The following NRG1 variants were observed in gnomAD, a reference collection of about 807,000 sequenced individuals.
NRG1 encodes neuregulin 1.
Under a neutral mutation model 63.8 loss-of-function variants are expected in NRG1, and 18 were observed. That is an observed-to-expected ratio of 0.28 (90% CI 0.19 to 0.42). The LOEUF (loss-of-function observed/expected upper bound fraction) is 0.42, where lower values mean the gene tolerates loss of function less well. NRG1 is among the 10% of genes least tolerant of loss of function. The probability of loss-of-function intolerance (pLI) is 1.00; values close to 1 mark genes in which losing one functional copy is unlikely to be tolerated. For missense variants in NRG1, 762 were observed against 814.7 expected (o/e 0.94, Z 0.79); for synonymous variants, 302 against 301.3 (o/e 1.00, Z -0.02).
At chr8:32,626,933 A>G (rs1849405295) in intron 5 of NRG1, among the ~76,000 whole-genome samples, 1 of 152,008 alleles carries the variant, frequency 6.6e-6, no homozygotes, top group Non-Finnish European at 1.5e-5. Context: ...AGGCAGGAGA[A>G]TTGCTTGAAC....
intron 1 of NRG1, among the ~76,000 whole-genome samples, chr8:31,792,849 G>A (rs16878298): frequency 0.016 from 2,379 of 152,216 alleles, 69 homozygotes; most frequent in African/African-American, 0.055. Context: ...AACCATTGTC[G>A]CATTGCTTTC....
intron 1 of NRG1, among the ~76,000 whole-genome samples, chr8:32,523,937 T>C (rs1472011077): frequency 1.3e-5 from 2 of 152,122 alleles, no homozygotes; most frequent in African/African-American, 4.8e-5. Context: ...CTCACCACTG[T>C]TGCCTCCTTT....
At chr8:32,400,276 G>C (rs891189922) in intron 1 of NRG1, among the ~76,000 whole-genome samples, 4 of 152,150 alleles carry the variant, frequency 2.6e-5, no homozygotes, top group Non-Finnish European at 5.9e-5. Flanking sequence ...TTGAGGTCAG[G>C]AGTTTGAGAC....
intron 1 of NRG1, among the ~76,000 whole-genome samples, chr8:31,935,819 TTC>T (rs1835256455): frequency 6.6e-6 from 1 of 152,232 alleles, no homozygotes; most frequent in Non-Finnish European, 1.5e-5. Context: ...CTAGATGTTT[TTC>T]TCCTATGTTG....
chr8:32,154,717 C>G (rs1336146560), intron 1 of NRG1, among the ~76,000 whole-genome samples: 2 of 152,134 alleles, frequency 1.3e-5, no homozygotes, highest in African/African-American at 4.8e-5. Flanking sequence ...TTATGCTTTC[C>G]TCTCACTTTC....
intron 1 of NRG1, among the ~76,000 whole-genome samples, chr8:32,289,229 G>A (rs752720627): frequency 2.0e-5 from 3 of 152,088 alleles, no homozygotes; most frequent in Non-Finnish European, 2.9e-5. Context: ...TAATCCTGAG[G>A]GGATGGACTT....
intron 1 of NRG1, among the ~76,000 whole-genome samples, chr8:31,645,440 T>G (rs954589090): frequency 6.6e-6 from 1 of 152,224 alleles, no homozygotes; most frequent in Non-Finnish European, 1.5e-5. Context: ...TGTAGTGCAC[T>G]TCAAGTAAAT....
chr8:31,660,445 T>A (rs1805872898), intron 1 of NRG1, among the ~76,000 whole-genome samples: 1 of 152,226 alleles, frequency 6.6e-6, no homozygotes, highest in Non-Finnish European at 1.5e-5. Context: ...TTCATTTTGT[T>A]TGCCGAGTAT....
intron 5 of NRG1, among the ~76,000 whole-genome samples, chr8:32,692,268 T>C (rs1811946662): frequency 6.6e-6 from 1 of 152,248 alleles, no homozygotes; most frequent in Admixed American, 6.5e-5. Flanking sequence ...AGCTATTTTC[T>C]AGCCTGCTGG....
chr8:32,583,466 A>C (rs1264765128), intron 1 of NRG1, among the ~76,000 whole-genome samples: 1 of 152,176 alleles, frequency 6.6e-6, no homozygotes, highest in Non-Finnish European at 1.5e-5. Flanking sequence ...TCAGTAATTT[A>C]AATTCATGGA....
At chr8:32,713,420 C>G (rs1307500134) in intron 5 of NRG1, among the ~76,000 whole-genome samples, 2 of 152,006 alleles carry the variant, frequency 1.3e-5, no homozygotes, top group Admixed American at 6.6e-5. Flanking sequence ...GGGTATTACG[C>G]CTTATTTACC....
intron 1 of NRG1, among the ~76,000 whole-genome samples, chr8:31,936,516 C>CA (rs1800934715): frequency 6.6e-6 from 1 of 152,090 alleles, no homozygotes; most frequent in Admixed American, 6.5e-5. Flanking sequence ...GAGAACAAAA[C>CA]AACACATCCA....
At chr8:32,194,272 C>T (rs1162073561) in intron 1 of NRG1, among the ~76,000 whole-genome samples, 1 of 152,140 alleles carries the variant, frequency 6.6e-6, no homozygotes, top group African/African-American at 2.4e-5. Flanking sequence ...AGGTAAGTGA[C>T]CCTAGAAGAA....
intron 1 of NRG1, among the ~76,000 whole-genome samples, chr8:31,757,215 C>CA: frequency 6.6e-6 from 1 of 151,554 alleles, no homozygotes; most frequent in East Asian, 1.9e-4. Flanking sequence ...TACTCTTTAC[C>CA]AAAAGGTGGG....
In NRG1 at chr8:31,892,418, T is replaced by C. The variant is rs1025566141; in HGVS notation, c.37+252987T>C. On this transcript the variant is annotated intron_variant, in intron 1 of 10. Coordinates refer to the NRG1 transcript ENST00000519301. ...AGGAGACCTAGGTCTCTTTTACCAATTTAGGATAACTTCACAATCTCCGCA... is the reference window on the plus strand; with the variant it reads ...AGGAGACCTAGGTCTCTTTTACCAACTTAGGATAACTTCACAATCTCCGCA... Among the ~76,000 whole-genome samples the C allele has an allele frequency of 2.0e-5, 3 of 152,088 alleles. No homozygotes were observed. In the East Asian group the frequency reaches 5.8e-4, roughly 29 times the overall value.
intron 1 of NRG1, among the ~76,000 whole-genome samples, chr8:32,572,922 C>T (rs925504656): frequency 4.0e-4 from 61 of 152,120 alleles, no homozygotes; most frequent in African/African-American, 1.3e-3. Context: ...TACAAATTTG[C>T]GACATATTTA....
chr8:32,066,982 C>T (rs1022910250), intron 1 of NRG1, among the ~76,000 whole-genome samples: 14 of 152,212 alleles, frequency 9.2e-5, no homozygotes, highest in Admixed American at 4.6e-4. Flanking sequence ...TGATTTGGCT[C>T]TCTGTTTGTC....
chr8:32,196,231 GGCTGT>G (rs1252960350), intron 1 of NRG1, among the ~76,000 whole-genome samples: 5 of 151,618 alleles, frequency 3.3e-5, no homozygotes, highest in Non-Finnish European at 5.9e-5. Flanking sequence ...GTCTTGCTTT[GGCTGT>G]GCTCTAGACA....
At chr8:32,535,660 G>C (rs138032770) in intron 1 of NRG1, among the ~76,000 whole-genome samples, 203 of 152,306 alleles carry the variant, frequency 1.3e-3, no homozygotes, top group African/African-American at 4.6e-3. Context: ...AGAGGAGATT[G>C]AATTTCCAAA....
Sources: gnomAD v4.1 joint callset for allele counts (sites outside exome capture counted in the v4.1 genomes callset) on GRCh38, gnomAD v4.1.1 for gene constraint, MANE v1.5 for transcripts, NCBI Gene and HGNC (gene_info 2026-07-23, HGNC 2026-07-21) for gene names.